SPMIP5: variants seen among roughly 807,000 people sequenced by gnomAD.
The protein encoded by SPMIP5 is sperm-associated microtubule inner protein 5.
chr10:116,665,116 G>C, the SPMIP5 span: 1 of 1,388,516 alleles, frequency 7.2e-7, no homozygotes, highest in Non-Finnish European at 9.3e-7. Flanking sequence ...TTTCTTTCTG[G>C]CCAGCCTCTG....
the SPMIP5 span, chr10:116,668,247 T>A: frequency 6.2e-7 from 1 of 1,612,646 alleles, no homozygotes; most frequent in Non-Finnish European, 8.5e-7. Context: ...GCAGGGTACG[T>A]CCACACTTAC....
At chr10:116,662,733 T>C in the SPMIP5 span, among the ~76,000 whole-genome samples, 2 of 152,136 alleles carry the variant, frequency 1.3e-5, no homozygotes, top group Non-Finnish European at 2.9e-5. Flanking sequence ...TGTTACGGCT[T>C]GAACTATGTC....
chr10:116,665,888 C>T, the SPMIP5 span: 23 of 1,414,824 alleles, frequency 1.6e-5, no homozygotes, highest in South Asian at 1.4e-4. Flanking sequence ...ATTCAGAGCC[C>T]GCCTAAACTC....
the SPMIP5 span, among the ~76,000 whole-genome samples, chr10:116,666,852 G>A: frequency 0.44 from 67,547 of 152,120 alleles, 15,594 homozygotes; most frequent in South Asian, 0.6. Context: ...ATAAGCATAC[G>A]AACTACCTTT....
the SPMIP5 span, chr10:116,664,787 C>CT: frequency 1.2e-6 from 2 of 1,614,156 alleles, no homozygotes; most frequent in Non-Finnish European, 1.7e-6. Flanking sequence ...GATGTGCCTT[C>CT]TTGGCCCTCT....
the SPMIP5 span, among the ~76,000 whole-genome samples, chr10:116,668,933 GCACACACA>G: frequency 8.9e-3 from 1,199 of 135,228 alleles, 21 homozygotes; most frequent in African/African-American, 0.013. Flanking sequence ...GCACACACAT[GCACACACA>G]CACACACACA....
chr10:116,665,226 G>A, the SPMIP5 span: 32 of 708,918 alleles, frequency 4.5e-5, no homozygotes, highest in African/African-American at 9.3e-5. Flanking sequence ...GTGAAACCCC[G>A]TCTCTACTAA....
At chr10:116,668,189 A>G in the SPMIP5 span, 1 of 1,461,180 alleles carries the variant, frequency 6.8e-7, no homozygotes. Context: ...ACAGTGGGTC[A>G]AGGCAGGGAC....
the SPMIP5 span, chr10:116,663,763 G>A: frequency 1.7e-5 from 16 of 922,754 alleles, no homozygotes; most frequent in East Asian, 1.6e-4. Flanking sequence ...ACATGCAACC[G>A]TCAACCACTC....
At chr10:116,664,518 C>T in the SPMIP5 span, 4 of 868,446 alleles carry the variant, frequency 4.6e-6, no homozygotes, top group Non-Finnish European at 6.6e-6. Context: ...TACTCCCATC[C>T]CCTCCCTGCA....
chr10:116,668,392 A>AATTACTATTGC, the SPMIP5 span: 1 of 1,257,960 alleles, frequency 7.9e-7, no homozygotes, highest in Admixed American at 1.7e-5. Context: ...ATTACTATTG[A>AATTACTATTGC]GTGTGCACAA....
chr10:116,665,647 G>T, the SPMIP5 span: 5 of 1,614,000 alleles, frequency 3.1e-6, no homozygotes, highest in Non-Finnish European at 4.2e-6. Context: ...TACTGGTGCA[G>T]GGCCTGCAGG....
chr10:116,663,282 CAGCAAGCTAAGA>C, the SPMIP5 span, among the ~76,000 whole-genome samples: 1 of 151,892 alleles, frequency 6.6e-6, no homozygotes, highest in African/African-American at 2.4e-5. Context: ...CTGCAAAACA[CAGCAAGCTAAGA>C]ATAGATGAGT....
the SPMIP5 span, among the ~76,000 whole-genome samples, chr10:116,669,484 C>T: frequency 6.6e-6 from 1 of 152,162 alleles, no homozygotes; most frequent in Non-Finnish European, 1.5e-5. Context: ...AAGCTTTCCA[C>T]GCTTGTTTAA....
chr10:116,663,138 C>T, the SPMIP5 span, among the ~76,000 whole-genome samples: 11 of 148,828 alleles, frequency 7.4e-5, no homozygotes, highest in East Asian at 6.0e-4. Context: ...GCCAAGATCA[C>T]GCCACTGCAC....
At chr10:116,664,906 G>T in the SPMIP5 span, 1 of 1,614,058 alleles carries the variant, frequency 6.2e-7, no homozygotes, top group Non-Finnish European at 8.5e-7. Flanking sequence ...GCCCAGCCAG[G>T]GATCGGGGGC....
the SPMIP5 span, chr10:116,665,950 C>T: frequency 3.3e-4 from 268 of 820,838 alleles, no homozygotes; most frequent in African/African-American, 3.8e-3. Context: ...AACAGCACTA[C>T]GTTTTTCCAA....
chr10:116,664,895 T>C, the SPMIP5 span: 1 of 1,614,180 alleles, frequency 6.2e-7, no homozygotes, highest in Admixed American at 1.7e-5. Flanking sequence ...GCAGGTAGCC[T>C]GCCCAGCCAG....
At chr10:116,665,349 G>A in the SPMIP5 span, 1 of 351,072 alleles carries the variant, frequency 2.8e-6, no homozygotes, top group African/African-American at 2.2e-5. Context: ...AGGTTGCAGT[G>A]AGCCGAGATC....
Sources: gnomAD v4.1 joint callset for allele counts (sites outside exome capture counted in the v4.1 genomes callset) on GRCh38, gnomAD v4.1.1 for gene constraint, MANE v1.5 for transcripts, NCBI Gene and HGNC (gene_info 2026-07-23, HGNC 2026-07-21) for gene names.